Variants in COL7A1 observed in about 807,000 individuals in gnomAD.
COL7A1 encodes collagen alpha-1(VII) chain.
Under a neutral mutation model 456.2 loss-of-function variants are expected in COL7A1, and 296 were observed. The ratio of observed to expected loss-of-function variants is 0.65; its 90% CI spans 0.59 to 0.71. The LOEUF is 0.71. Ranked by LOEUF, COL7A1 falls within the 30% of genes least tolerant of loss-of-function variation. The pLI, the probability that COL7A1 is intolerant of heterozygous loss-of-function variation, is 0.00. For missense variants in COL7A1, 3,441 were observed against 4,017.2 expected (o/e 0.86, Z 3.88); for synonymous variants, 1,464 against 1,525.9 (o/e 0.96, Z 0.95).
chr3:48,584,599 G>A (rs753980920), intron 35 of COL7A1, 43 bp from the exon 36 acceptor site: 2 of 1,612,876 alleles, frequency 1.2e-6, no homozygotes, highest in Non-Finnish European at 8.5e-7. Flanking sequence ...GGCTATGGGG[G>A]CCTTGAGCTG....
intron 44 of COL7A1, 76 bp from the exon 45 acceptor site, chr3:48,582,729 G>A (rs1279808428): frequency 1.3e-6 from 2 of 1,514,360 alleles, no homozygotes; most frequent in African/African-American, 1.4e-5. Context: ...AGAGGCTGGG[G>A]TGGGGGCTGG....
In COL7A1 at chr3:48,575,695, G is replaced by A. The variant is rs141290741; in HGVS notation, c.5910C>T (p.Phe1970=). ...CTCGACGCCGTTCGGGCACAGGCAG[G>A]AAGCTACCAGAGCTCTCATCCCAGG... ...VETWDESSGS[F]LPVPERRRGP... The change falls in exon 73 of 119, where the codon TTC becomes TTT. Residue 1970 remains phenylalanine (F), a synonymous_variant. Transcript: ENST00000681320. The surrounding 1 kb of genome is among the most constrained non-coding windows in gnomAD (Gnocchi z 6.3). 4,406 of 1,613,742 alleles carry A rather than the reference G, an allele frequency of 2.7e-3. 11 individuals are homozygous for A. Among genetic ancestry groups the A allele is most frequent in the Middle Eastern group, 0.016 (94 of 6,060 alleles).
Position 48,570,490 on chromosome 3 carries a change from C to T in COL7A1, c.7355G>A (p.Gly2452Glu), listed in dbSNP as rs761532701. Residue 2452 changes from glycine to glutamate, a missense_variant, in exon 97 of 119, where the codon GGG (glycine) becomes GAG (glutamate). Physicochemically the swap from Gly to Glu is moderately conservative, Grantham distance 98 (BLOSUM62 -2). Around this residue, in one of 3 missense-constraint regions of COL7A1, gnomAD observed 2,084 missense variants for 2,501.3 expected, o/e 0.83. Transcript: ENST00000681320. This position sits in a 1 kb window ranked among gnomAD's most constrained non-coding sequence, Gnocchi z 5.5. ...CTTGTCTCCTTTGAGTCCAGAGGCCCCAGGTGGTCCCTGTAGGTCAGAGTG... is the reference window on the plus strand; with the variant it reads ...CTTGTCTCCTTTGAGTCCAGAGGCCTCAGGTGGTCCCTGTAGGTCAGAGTG... ...PGPPGSVGPP[G>E]ASGLKGDKGD... 6.2e-7 allele frequency: 1 copy of T among 1,614,040 alleles called. No individual in the cohort carries two copies. The highest frequency in any genetic ancestry group is 8.5e-7 in the Non-Finnish European group (1 of 1,179,956).
rs753190309 is a variant in COL7A1 at position 48,576,259 on chromosome 3, C to G, written c.5810G>C (p.Gly1937Ala). 1 of 1,613,784 alleles carries G rather than the reference C, an allele frequency of 6.2e-7. No individual in the cohort carries two copies. The highest frequency in any genetic ancestry group is 8.5e-7 in the Non-Finnish European group (1 of 1,180,014). ...CCAAGCCTGGCTCACCGGCACACTTCCAGGCTCTCCTCGCAGGCCACGCTC... is the reference window on the plus strand; with the variant it reads ...CCAAGCCTGGCTCACCGGCACACTTGCAGGCTCTCCTCGCAGGCCACGCTC... Reference protein sequence around the residue: ...PGERGLRGEPGSVPNVDRLLE... With the variant: ...PGERGLRGEPASVPNVDRLLE... The change falls in exon 71 of 119, where the codon GGA becomes GCA. Residue 1937 changes from glycine to alanine, a missense_variant. Around this residue, in one of 3 missense-constraint regions of COL7A1, gnomAD observed 2,084 missense variants for 2,501.3 expected, o/e 0.83. Transcript: ENST00000681320.
In COL7A1 at chr3:48,564,393, C is replaced by A. The variant is rs1172155057; in HGVS notation, c.*13G>T. On this transcript the variant is annotated 3_prime_UTR_variant, in exon 119 of 119. Coordinates refer to ENST00000681320, the MANE Select transcript of COL7A1 (RefSeq NM_000094.4). This position sits in a 1 kb window ranked among gnomAD's most constrained non-coding sequence, Gnocchi z 6.0. ...CTCCAGGGGATGCTGAATCTCAGCT[C>A]ATTATCTGGGCCTCAGTCCTGGGCA... 3 of 1,614,082 alleles carry A rather than the reference C, an allele frequency of 1.9e-6. No individual in the cohort carries two copies. The highest frequency in any genetic ancestry group is 1.7e-5 in the Admixed American group (1 of 60,026).
chr3:48,576,549 A>G lies in COL7A1; in HGVS notation c.5709T>C (p.Pro1903=). Residue 1903 remains proline (P), a synonymous_variant, in exon 69 of 119, where the codon CCT becomes CCC. Coordinates refer to ENST00000681320, the MANE Select transcript of COL7A1 (RefSeq NM_000094.4). The part of the protein sequence containing the change: ...GPVGPPGQGF[P]GVPGGTGPKG... Reference sequence around the variant, plus strand: ...TGGGGCCCGTGCCTCCTGGGACACCAGGAAAACCCTGAGATACGGCAGAAC... The same window carrying G: ...TGGGGCCCGTGCCTCCTGGGACACCGGGAAAACCCTGAGATACGGCAGAAC... 6.2e-7 allele frequency: 1 copy of G among 1,610,438 alleles called. No homozygotes were observed. Among genetic ancestry groups the G allele is most frequent in the South Asian group, 1.1e-5 (1 of 90,582 alleles).
rs377422466 is a variant in COL7A1, at chr3:48,576,711, G to C, written c.5665C>G (p.Pro1889Ala). 2 of 1,609,856 alleles carry C rather than the reference G, an allele frequency of 1.2e-6. No individual in the cohort carries two copies. The highest frequency in any genetic ancestry group is 8.5e-7 in the Non-Finnish European group (1 of 1,178,570). Reference protein sequence around the residue: ...APGILGPQGPPGLPGPVGPPG... With the variant: ...APGILGPQGPAGLPGPVGPPG... The stretch of plus-strand genomic sequence containing the variant: ...GGGCCCACTGGCCCTGGGAGGCCTG[G>C]AGGCCCCTGGGGTCCAAGGATACCA... Residue 1889 changes from proline (P) to alanine (A), a missense_variant, in exon 68 of 119, where the codon CCA becomes GCA. Pro to Ala is a conservative substitution (Grantham distance 27). Transcript: ENST00000681320.
rs1453219489 is a variant in COL7A1, at chr3:48,564,416, G to A, written c.8825C>T (p.Ala2942Val). The change falls in exon 119 of 119, where the codon GCC becomes GTC. Residue 2942 changes from alanine to valine, a missense_variant. Physicochemically the swap from Ala to Val is moderately conservative, Grantham distance 64. Around this residue, in one of 3 missense-constraint regions of COL7A1, gnomAD observed 2,084 missense variants for 2,501.3 expected, o/e 0.83. Coordinates refer to ENST00000681320, the MANE Select transcript of COL7A1 (RefSeq NM_000094.4). The surrounding 1 kb of genome is among the most constrained non-coding windows in gnomAD (Gnocchi z 6.0). ...RVVQSQGTGT[A>V]QD is the part of the protein sequence containing the mutation. ...CTCATTATCTGGGCCTCAGTCCTGG[G>A]CAGTACCTGGTGAGGACAGGTTGGA... The A allele has an allele frequency of 1.2e-6, 2 of 1,614,080 alleles. No individual in the cohort carries two copies. The highest frequency in any genetic ancestry group is 1.3e-5 in the African/African-American group (1 of 75,056).
chr3:48,582,569 A>G (rs1240510737), intron 45 of COL7A1, 40 bp downstream of exon 45: 1 of 1,613,652 alleles, frequency 6.2e-7, no homozygotes, highest in Non-Finnish European at 8.5e-7. Context: ...AGGGACACAC[A>G]AAAGTCCCAC....
rs748086542 is a variant in COL7A1, at chr3:48,587,881, C to T, written c.2769G>A (p.Gly923=). Residue 923 remains glycine, a synonymous_variant, in exon 22 of 119, where the codon GGG becomes GGA. Coordinates refer to ENST00000681320, the MANE Select transcript of COL7A1 (RefSeq NM_000094.4). This position sits in a 1 kb window ranked among gnomAD's most constrained non-coding sequence, Gnocchi z 6.1. ...CGCGGTACTGTGTCGCTGGCTCCAGCCCGTCCAGGTGATAGCTGCTGAGCT... is the reference window on the plus strand; with the variant it reads ...CGCGGTACTGTGTCGCTGGCTCCAGTCCGTCCAGGTGATAGCTGCTGAGCT... ...GPELSSYHLD[G]LEPATQYRVR... 9 of 1,611,422 alleles carry T rather than the reference C, an allele frequency of 5.6e-6. No homozygotes were observed. In the South Asian group the frequency reaches 7.7e-5, roughly 14 times the overall value.
rs751266261 is a variant in COL7A1 at position 48,573,082 on chromosome 3, G to C, written c.6715-26C>G. The C allele has an allele frequency of 6.2e-6, 10 of 1,614,150 alleles. No individual in the cohort carries two copies. In the South Asian group the frequency reaches 1.1e-4, roughly 18 times the overall value. On this transcript the variant is annotated intron_variant, in intron 85 of 118. Coordinates refer to ENST00000681320, the MANE Select transcript of COL7A1 (RefSeq NM_000094.4). This position sits in a 1 kb window ranked among gnomAD's most constrained non-coding sequence, Gnocchi z 5.5. ...CTGACGGAGAACAAGTCGGATGTCA[G>C]GGTGACAATGGACACAGGACGACAT...
At position 48,574,987 on chromosome 3, in the gene COL7A1, C is replaced by T; in HGVS notation, c.6279+77G>A. 3 of 1,570,994 alleles carry T rather than the reference C, an allele frequency of 1.9e-6. No individual in the cohort carries two copies. Among genetic ancestry groups the T allele is most frequent in the African/African-American group, 2.7e-5 (2 of 74,122 alleles). On this transcript the variant is annotated intron_variant, in intron 76 of 118. Transcript: ENST00000681320. This position sits in a 1 kb window ranked among gnomAD's most constrained non-coding sequence, Gnocchi z 5.0. Reference sequence around the variant, plus strand: ...AATTCCAGGGTTATGGCACACACTACCATATTTCTGGGGACCAAGCTAAGG... The same window carrying T: ...AATTCCAGGGTTATGGCACACACTATCATATTTCTGGGGACCAAGCTAAGG...
rs769929335 is a variant in COL7A1, at chr3:48,589,397, C to A, written c.2244G>T (p.Glu748Asp). The A allele has an allele frequency of 6.2e-7, 1 of 1,613,708 alleles. No homozygotes were observed. Among genetic ancestry groups the A allele is most frequent in the South Asian group, 1.1e-5 (1 of 91,084 alleles). ...CATGGGCCCTCACATGCACCGTATA[C>A]TCAGTATCTGGCTCCAGTCCATCCA... ...AELDGLEPDT[E>D]YTVHVRAHVA... Residue 748 changes from glutamate (E) to aspartate (D), a missense_variant, in exon 18 of 119, where the codon GAG becomes GAT. Glu to Asp is a conservative substitution (Grantham distance 45). Around this residue, in one of 3 missense-constraint regions of COL7A1, gnomAD observed 913 missense variants for 1,088.2 expected, o/e 0.84. Coordinates refer to ENST00000681320, the MANE Select transcript of COL7A1 (RefSeq NM_000094.4).
At chr3:48,576,595 C>A (rs751875825) in intron 68 of COL7A1, 38 bp from the exon 69 acceptor site, 2 of 1,597,642 alleles carry the variant, frequency 1.3e-6, no homozygotes, top group African/African-American at 2.7e-5. Flanking sequence ...CACAAAGGCC[C>A]ATGGCTTCCC....
In COL7A1 at chr3:48,578,065, G is replaced by A. The variant is rs960574584; in HGVS notation, c.5532+256C>T. Among the ~76,000 whole-genome samples, 2 of 152,190 alleles carry A rather than the reference G, an allele frequency of 1.3e-5. No homozygotes were observed. The highest frequency in any genetic ancestry group is 2.4e-5 in the African/African-American group (1 of 41,458). ...TGTAATCCCAGTTACTCGGGAGGTTGAGGCAGGAGAATCACTTGAACCCGA... is the reference window on the plus strand; with the variant it reads ...TGTAATCCCAGTTACTCGGGAGGTTAAGGCAGGAGAATCACTTGAACCCGA... On this transcript the variant is annotated intron_variant, in intron 65 of 118. Coordinates refer to ENST00000681320, the MANE Select transcript of COL7A1 (RefSeq NM_000094.4). The surrounding 1 kb of genome is among the most constrained non-coding windows in gnomAD (Gnocchi z 4.7).
At position 48,565,361 on chromosome 3, in the gene COL7A1, C is replaced by A; in HGVS notation, c.8527+49G>T. 1 of 1,550,558 alleles carries A rather than the reference C, an allele frequency of 6.4e-7. No homozygotes were observed. Among genetic ancestry groups the A allele is most frequent in the Non-Finnish European group, 8.8e-7 (1 of 1,139,286 alleles). ...CCCTGCATTCATGGACACCCATGTG[C>A]GTGTCTCGGCCCCACCCATAGCTGC... On this transcript the variant is annotated intron_variant, in intron 116 of 118. Transcript: ENST00000681320. The surrounding 1 kb of genome is among the most constrained non-coding windows in gnomAD (Gnocchi z 4.5).
Position 48,566,304 on chromosome 3 carries a change from G to A in COL7A1, c.8370C>T (p.Ile2790=). The change falls in exon 114 of 119, where the codon ATC becomes ATT. Residue 2790 remains isoleucine, a synonymous_variant. Transcript: ENST00000681320. This position sits in a 1 kb window ranked among gnomAD's most constrained non-coding sequence, Gnocchi z 5.9. ...KGEAALTEDD[I]RGFVRQEMSQ... is the part of the protein sequence containing the mutation. ...TCATCTCTTGGCGCACAAAGCCCCG[G>A]ATGTCATCCTCCTGGGAGCAGAAGA... 2 of 1,604,624 alleles carry A rather than the reference G, an allele frequency of 1.2e-6. No individual in the cohort carries two copies. Among genetic ancestry groups the A allele is most frequent in the Admixed American group, 1.7e-5 (1 of 57,992 alleles).
rs146934952 is a variant in COL7A1, at chr3:48,587,858, C to A, written c.2792G>T (p.Arg931Leu). 1.9e-6 allele frequency: 3 copies of A among 1,613,154 alleles called. No homozygotes were observed. The highest frequency in any genetic ancestry group is 1.1e-5 in the South Asian group (1 of 91,046). The change falls in exon 22 of 119, where the codon CGC (arginine) becomes CTC (leucine). Residue 931 changes from arginine (R) to leucine (L), a missense_variant. Coordinates refer to ENST00000681320, the MANE Select transcript of COL7A1 (RefSeq NM_000094.4). This position sits in a 1 kb window ranked among gnomAD's most constrained non-coding sequence, Gnocchi z 6.1. The part of the protein sequence containing the change: ...LDGLEPATQY[R>L]VRLSVLGPAG... The stretch of plus-strand genomic sequence containing the variant: ...TGGCCCTAGGACACTCAGCCTCACG[C>A]GGTACTGTGTCGCTGGCTCCAGCCC...
chr3:48,583,291 A>G lies in COL7A1; in HGVS notation c.4437+102T>C, dbSNP rs901315272. 6 of 1,606,262 alleles carry G rather than the reference A, an allele frequency of 3.7e-6. No homozygotes were observed. In the African/African-American group the frequency reaches 8.0e-5, roughly 22 times the overall value. ...ACCCCCTCCAAAACCACGACCTCTG[A>G]CCTGGAGGGAACTCTTATCTCCTTA... On this transcript the variant is annotated intron_variant, in intron 42 of 118. Transcript: ENST00000681320. The surrounding 1 kb of genome is among the most constrained non-coding windows in gnomAD (Gnocchi z 5.1).
Sources: gnomAD v4.1 joint callset for allele counts (sites outside exome capture counted in the v4.1 genomes callset) on GRCh38, gnomAD v4.1.1 for gene constraint, gnomAD v4.1.1 regional missense constraint, Gnocchi (gnomAD v3.1) non-coding constraint, MANE v1.5 for transcripts, NCBI Gene and HGNC (gene_info 2026-07-23, HGNC 2026-07-21) for gene names.